The following IGF1R variants were observed in gnomAD, a reference collection of about 807,000 sequenced individuals.
IGF1R encodes insulin-like growth factor 1 receptor.
Under a neutral mutation model 144.6 loss-of-function variants are expected in IGF1R, and 44 were observed. That is an observed-to-expected ratio of 0.30 (90% CI 0.24 to 0.39). The LOEUF (loss-of-function observed/expected upper bound fraction) is 0.39. IGF1R is among the 10% of genes least tolerant of loss of function. The pLI, the probability that IGF1R is intolerant of heterozygous loss-of-function variation, is 1.00. For missense variants in IGF1R, 1,355 were observed against 1,833.7 expected, an observed-to-expected ratio of 0.74 and a Z score of 4.77; for synonymous variants, 795 against 722.8, an observed-to-expected ratio of 1.10 and a Z score of -1.60.
At chr15:98,736,772 T>C (rs1389753751) in intron 2 of IGF1R, among the ~76,000 whole-genome samples, 1 of 151,990 alleles carries the variant, frequency 6.6e-6, no homozygotes, top group Admixed American at 6.6e-5. Context: ...CCACCTCACC[T>C]GGCTGATTTT....
At chr15:98,755,269 A>G (rs2055119785) in intron 2 of IGF1R, among the ~76,000 whole-genome samples, 1 of 152,070 alleles carries the variant, frequency 6.6e-6, no homozygotes, top group African/African-American at 2.4e-5. Flanking sequence ...GTTTGAAACG[A>G]GTTAAAATTT....
intron 2 of IGF1R, among the ~76,000 whole-genome samples, chr15:98,752,895 G>A (rs540887634): frequency 2.0e-4 from 30 of 151,022 alleles, no homozygotes; most frequent in African/African-American, 7.3e-4. Context: ...TTACTCAGAT[G>A]AGATAAAGAA....
rs1388308776 is a variant in IGF1R, at chr15:98,751,858, T to A, written c.640+43751T>A. ...AGGGAAGAACAAATAACATAATTGT[T>A]TGGATATATGCTGTGGTTTGTGTGG... On this transcript the variant is annotated intron_variant, in intron 2 of 20. Transcript: ENST00000650285. Among the ~76,000 whole-genome samples the A allele has an allele frequency of 2.0e-5, 3 of 152,144 alleles. No individual in the cohort carries two copies. The East Asian group carries it at 5.8e-4, about 29-fold the overall frequency.
intron 2 of IGF1R, among the ~76,000 whole-genome samples, chr15:98,847,637 T>G (rs776340328): frequency 3.3e-5 from 5 of 152,210 alleles, no homozygotes; most frequent in African/African-American, 4.8e-5. Context: ...TCGATGACAT[T>G]AACCTTTGAG....
chr15:98,887,623 A>C (rs935097238), intron 2 of IGF1R, among the ~76,000 whole-genome samples: 3 of 152,234 alleles, frequency 2.0e-5, no homozygotes, highest in African/African-American at 7.2e-5. Flanking sequence ...GTGATGTCTG[A>C]AGAGCAGCCT....
chr15:98,827,347 C>T (rs1263000661), intron 2 of IGF1R, among the ~76,000 whole-genome samples: 2 of 152,122 alleles, frequency 1.3e-5, no homozygotes, highest in Non-Finnish European at 2.9e-5. Context: ...GAATGTATAC[C>T]ATGAAGACCC....
At chr15:98,714,173 GTA>G (rs912129063) in intron 2 of IGF1R, among the ~76,000 whole-genome samples, 1 of 140,874 alleles carries the variant, frequency 7.1e-6, no homozygotes, top group African/African-American at 3.1e-5. Context: ...GCAGGTTGTA[GTA>G]AAAAAAAAAA....
intron 2 of IGF1R, among the ~76,000 whole-genome samples, chr15:98,851,166 C>T (rs1379685959): frequency 6.6e-6 from 1 of 152,116 alleles, no homozygotes; most frequent in East Asian, 1.9e-4. Flanking sequence ...TTGTGTGTGG[C>T]CCATCCAGGG....
At chr15:98,833,881 T>C (rs1459416511) in intron 2 of IGF1R, among the ~76,000 whole-genome samples, 1 of 152,206 alleles carries the variant, frequency 6.6e-6, no homozygotes, top group Non-Finnish European at 1.5e-5. Context: ...AAAATATTCA[T>C]GCTTGCATAG....
At chr15:98,821,981 C>T (rs1258675127) in intron 2 of IGF1R, among the ~76,000 whole-genome samples, 1 of 152,150 alleles carries the variant, frequency 6.6e-6, no homozygotes, top group Non-Finnish European at 1.5e-5. Context: ...ATATGAAGTG[C>T]TAAAATACTT....
At chr15:98,867,666 T>C (rs139056156) in intron 2 of IGF1R, among the ~76,000 whole-genome samples, 2 of 152,352 alleles carry the variant, frequency 1.3e-5, no homozygotes, top group East Asian at 3.9e-4. Flanking sequence ...GCCCTCACAA[T>C]TGCCTGACAT....
At position 98,964,110 on chromosome 15, in the gene IGF1R, T is replaced by TG; in HGVS notation, c.*6671dup. The TG allele has an allele frequency of 4.3e-6, 1 of 233,128 alleles. No homozygotes were observed. The highest frequency in any genetic ancestry group is 8.5e-6 in the Non-Finnish European group (1 of 117,768). 14.4% of individuals were successfully genotyped at this position (233,128 alleles called of 1,614,324 possible). A position where few individuals can be genotyped will look rare whatever the true frequency, so the allele number is the denominator to read the frequency against. On this transcript the variant is annotated 3_prime_UTR_variant, in exon 21 of 21. Coordinates refer to ENST00000650285, the MANE Select transcript of IGF1R (RefSeq NM_000875.5). Reference sequence around the variant, plus strand: ...AGGTTTGCCAGAGTTTGTCTACCTCTGGGTATCCCTTTGTCTGGGATAAAA... The same window carrying TG: ...AGGTTTGCCAGAGTTTGTCTACCTCTGGGGTATCCCTTTGTCTGGGATAAAA...
At chr15:98,651,535 G>GCA (rs1240588401) in intron 1 of IGF1R, among the ~76,000 whole-genome samples, 7 of 152,244 alleles carry the variant, frequency 4.6e-5, no homozygotes, top group Non-Finnish European at 1.0e-4. Context: ...CAGTTGAACT[G>GCA]TATAGCTTCT....
intron 1 of IGF1R, among the ~76,000 whole-genome samples, chr15:98,660,916 G>C (rs558836082): frequency 1.3e-5 from 2 of 152,146 alleles, no homozygotes; most frequent in African/African-American, 4.8e-5. Flanking sequence ...GGCTGGACTC[G>C]GCTGCCTGGT....
chr15:98,650,197 G>C (rs559022826), intron 1 of IGF1R, among the ~76,000 whole-genome samples: 52 of 152,292 alleles, frequency 3.4e-4, no homozygotes, highest in African/African-American at 1.2e-3. Context: ...GCCCTCGAGG[G>C]GGGAGGTGCC....
chr15:98,823,328 G>A (rs2056835977), intron 2 of IGF1R, among the ~76,000 whole-genome samples: 1 of 152,192 alleles, frequency 6.6e-6, no homozygotes, highest in African/African-American at 2.4e-5. Context: ...TTGGAGCAGT[G>A]GTGTCATGTG....
At chr15:98,787,749 T>C (rs1033483139) in intron 2 of IGF1R, among the ~76,000 whole-genome samples, 4 of 152,224 alleles carry the variant, frequency 2.6e-5, no homozygotes, top group Admixed American at 1.3e-4. Flanking sequence ...CAATTACTTT[T>C]GCACCAACAA....
At chr15:98,745,957 C>A (rs77763063) in intron 2 of IGF1R, among the ~76,000 whole-genome samples, 1 of 152,152 alleles carries the variant, frequency 6.6e-6, no homozygotes, top group East Asian at 1.9e-4. Flanking sequence ...GATAGTAATA[C>A]GTTAGAAATA....
At chr15:98,764,648 C>G (rs557347039) in intron 2 of IGF1R, among the ~76,000 whole-genome samples, 2 of 152,268 alleles carry the variant, frequency 1.3e-5, no homozygotes, top group African/African-American at 4.8e-5. Context: ...TAGTTTTTTT[C>G]TAATAACCAG....
Sources: allele counts gnomAD v4.1 joint callset (sites outside exome capture counted in the v4.1 genomes callset), GRCh38; gene constraint gnomAD v4.1.1; transcripts MANE v1.5; gene names NCBI Gene and HGNC (gene_info 2026-07-23, HGNC 2026-07-21).